The following DLGAP1 variants were observed in gnomAD, a reference collection of about 807,000 sequenced individuals.
DLGAP1 encodes the protein disks large-associated protein 1.
DLGAP1 carries 11 observed loss-of-function variants against 90.8 expected under a neutral mutation model. That is an observed-to-expected ratio of 0.12 (90% CI 0.08 to 0.20). DLGAP1 has a LOEUF of 0.20. Among genes scored for constraint, DLGAP1 ranks in the 10% least tolerant of loss-of-function variants. DLGAP1 has a pLI of 1.00. For synonymous variants in DLGAP1, 558 were observed against 540.7 expected (o/e 1.03, Z -0.44); for missense variants, 1,050 against 1,333.8 (o/e 0.79, Z 3.31).
intron 1 of DLGAP1, among the ~76,000 whole-genome samples, chr18:4,366,882 G>T (rs2081782546): frequency 6.6e-6 from 1 of 150,952 alleles, no homozygotes; most frequent in Non-Finnish European, 1.5e-5. Context: ...TAAATCAAAT[G>T]AACACAATAA....
At chr18:4,131,754 G>A (rs1250879159) in intron 2 of DLGAP1, among the ~76,000 whole-genome samples, 3 of 152,282 alleles carry the variant, frequency 2.0e-5, no homozygotes, top group Middle Eastern at 3.4e-3. Context: ...AGAGGTTATC[G>A]TATTTTACTA....
At chr18:4,065,790 C>A (rs1482532534) in intron 2 of DLGAP1, among the ~76,000 whole-genome samples, 3 of 151,988 alleles carry the variant, frequency 2.0e-5, no homozygotes, top group Admixed American at 1.3e-4. Flanking sequence ...TAAACTACCA[C>A]TGACATTCTT....
intron 7 of DLGAP1, among the ~76,000 whole-genome samples, chr18:3,644,755 T>C (rs771054821): frequency 3.3e-5 from 5 of 152,132 alleles, no homozygotes; most frequent in Non-Finnish European, 5.9e-5. Context: ...AGCTAAATAT[T>C]GGGACTAATT....
chr18:4,048,141 C>T (rs898459424), intron 2 of DLGAP1, among the ~76,000 whole-genome samples: 5 of 152,026 alleles, frequency 3.3e-5, no homozygotes, highest in African/African-American at 9.7e-5. Flanking sequence ...TTGTTCATCT[C>T]GACTATCCCA....
chr18:4,012,936 C>T (rs1244936539), intron 2 of DLGAP1, among the ~76,000 whole-genome samples: 3 of 152,118 alleles, frequency 2.0e-5, no homozygotes, highest in African/African-American at 7.2e-5. Context: ...AACTCCTGAG[C>T]TCAAGCGATC....
intron 1 of DLGAP1, among the ~76,000 whole-genome samples, chr18:4,313,234 T>C (rs1036445830): frequency 2.6e-5 from 4 of 152,174 alleles, no homozygotes; most frequent in African/African-American, 9.7e-5. Flanking sequence ...TAAGGAATTT[T>C]ATAGTAGGTG....
chr18:4,323,549 GAACA>G (rs1178367794), intron 1 of DLGAP1, among the ~76,000 whole-genome samples: 1 of 152,020 alleles, frequency 6.6e-6, no homozygotes, highest in African/African-American at 2.4e-5. Context: ...TATTGTCCAT[GAACA>G]AATAAACTAA....
At chr18:3,772,185 C>T (rs1331170742) in intron 5 of DLGAP1, among the ~76,000 whole-genome samples, 1 of 146,064 alleles carries the variant, frequency 6.8e-6, no homozygotes, top group African/African-American at 2.6e-5. Context: ...TTCTCTCCTT[C>T]CTTCCTTTCT....
chr18:3,531,497 T>G (rs1271572145), intron 10 of DLGAP1, among the ~76,000 whole-genome samples: 1 of 152,158 alleles, frequency 6.6e-6, no homozygotes, highest in Non-Finnish European at 1.5e-5. Flanking sequence ...TTTTACCTTT[T>G]TTTGAGTCGG....
chr18:4,120,568 G>T (rs1437453598), intron 2 of DLGAP1, among the ~76,000 whole-genome samples: 2 of 152,260 alleles, frequency 1.3e-5, no homozygotes, highest in African/African-American at 4.8e-5. Context: ...AAGCAGCTAG[G>T]GAGGTCTATA....
intron 11 of DLGAP1, among the ~76,000 whole-genome samples, chr18:3,505,171 G>C (rs184870598): frequency 1.5e-3 from 227 of 152,326 alleles, no homozygotes; most frequent in African/African-American, 5.2e-3. Flanking sequence ...GGAGCATGGA[G>C]CTGAGTCTGC....
At chr18:3,602,664 T>C (rs1568284817) in intron 7 of DLGAP1, among the ~76,000 whole-genome samples, 2 of 147,822 alleles carry the variant, frequency 1.4e-5, no homozygotes, top group South Asian at 4.2e-4. Flanking sequence ...ACTGCAGATA[T>C]AAATAGATCG....
intron 12 of DLGAP1, among the ~76,000 whole-genome samples, chr18:3,501,367 A>G (rs1279697558): frequency 1.3e-5 from 2 of 152,226 alleles, no homozygotes; most frequent in Admixed American, 6.5e-5. Context: ...GATTAAAGAA[A>G]ACTAGATTGG....
intron 1 of DLGAP1, among the ~76,000 whole-genome samples, chr18:4,446,201 C>G (rs2083663027): frequency 6.6e-6 from 1 of 152,270 alleles, no homozygotes; most frequent in South Asian, 2.1e-4. Context: ...ACTGACACAT[C>G]TGAAGGCCAA....
intron 3 of DLGAP1, among the ~76,000 whole-genome samples, chr18:3,904,059 C>T (rs1219611753): frequency 5.9e-5 from 9 of 152,150 alleles, no homozygotes; most frequent in South Asian, 2.1e-4. Flanking sequence ...CCTTCCTGAC[C>T]CTAGTCTAGT....
chr18:3,783,736 G>A (rs1002384542), intron 5 of DLGAP1, among the ~76,000 whole-genome samples: 12 of 152,050 alleles, frequency 7.9e-5, no homozygotes, highest in African/African-American at 2.4e-4. Context: ...CCATTGCATC[G>A]TACACTTAAA....
intron 5 of DLGAP1, among the ~76,000 whole-genome samples, chr18:3,806,628 C>T (rs1598825480): frequency 1.3e-5 from 2 of 152,112 alleles, no homozygotes; most frequent in African/African-American, 2.4e-5. Context: ...TGCACTTTAA[C>T]GGGAACATAG....
chr18:3,822,196 A>G (rs1344175501), intron 4 of DLGAP1, among the ~76,000 whole-genome samples: 2 of 152,222 alleles, frequency 1.3e-5, no homozygotes, highest in African/African-American at 4.8e-5. Flanking sequence ...AGATTGCTTA[A>G]AATTACCTTT....
intron 7 of DLGAP1, among the ~76,000 whole-genome samples, chr18:3,687,230 T>A (rs1272606570): frequency 6.6e-6 from 1 of 152,236 alleles, no homozygotes; most frequent in Admixed American, 6.5e-5. Context: ...CCAAGTTTAT[T>A]ACAGCAGCCA....
Sources: allele counts gnomAD v4.1 joint callset (sites outside exome capture counted in the v4.1 genomes callset), GRCh38; gene constraint gnomAD v4.1.1; transcripts MANE v1.5; gene names NCBI Gene and HGNC (gene_info 2026-07-23, HGNC 2026-07-21).